Variants in STK33 observed in about 807,000 individuals in gnomAD.
STK33 encodes serine/threonine kinase 33, also known as serine/threonine-protein kinase 33.
Under a neutral mutation model 58.0 loss-of-function variants are expected in STK33, and 52 were observed. That is an observed-to-expected ratio of 0.90 (90% confidence interval 0.72 to 1.13). The LOEUF (loss-of-function observed/expected upper bound fraction) is 1.13. STK33 is among the 50% of genes most tolerant of loss of function. The pLI, the probability that STK33 is intolerant of heterozygous loss-of-function variation, is 0.00. For synonymous variants in STK33, 215 were observed against 200.1 expected, an observed-to-expected ratio of 1.07 and a Z score of -0.63; for missense variants, 630 against 604.2, an observed-to-expected ratio of 1.04 and a Z score of -0.45.
downstream of STK33, among the ~76,000 whole-genome samples, chr11:8,388,764 T>G (rs1286644025): frequency 6.6e-6 from 1 of 152,132 alleles, no homozygotes; most frequent in Non-Finnish European, 1.5e-5. Context: ...AGTGAAGTGT[T>G]GCATTCTTTA....
At chr11:8,343,228 T>C in the STK33 span, among the ~76,000 whole-genome samples, 1 of 152,240 alleles carries the variant, frequency 6.6e-6, no homozygotes, top group Non-Finnish European at 1.5e-5. Context: ...GGCAGCAGTG[T>C]GTGCTGTGCC....
At chr11:8,472,883 T>C (rs1424294035) in intron 6 of STK33, among the ~76,000 whole-genome samples, 1 of 152,168 alleles carries the variant, frequency 6.6e-6, no homozygotes, top group African/African-American at 2.4e-5. Context: ...GACTCCACTA[T>C]TGCTTTCAGC....
chr11:8,348,858 G>C, the STK33 span, among the ~76,000 whole-genome samples: 62 of 150,766 alleles, frequency 4.1e-4, no homozygotes, highest in East Asian at 9.2e-3. Context: ...GAGTGAAAAG[G>C]GTTGGAGAGC....
At chr11:8,371,745 CT>C in the STK33 span, among the ~76,000 whole-genome samples, 10 of 85,504 alleles carry the variant, frequency 1.2e-4, no homozygotes, top group Non-Finnish European at 2.6e-4. Context: ...CCCTCCCTCC[CT>C]CTCTCCCTCC....
intron 1 of STK33, among the ~76,000 whole-genome samples, chr11:8,577,470 T>A (rs1462933783): frequency 6.6e-6 from 1 of 152,194 alleles, no homozygotes; most frequent in Admixed American, 6.5e-5. Flanking sequence ...TGCTACATGC[T>A]ATAAGCAGAA....
intron 1 of STK33, among the ~76,000 whole-genome samples, chr11:8,510,472 AT>A (rs1213561694): frequency 6.6e-6 from 1 of 151,712 alleles, no homozygotes; most frequent in African/African-American, 2.4e-5. Flanking sequence ...TCTGTTGATT[AT>A]TTTTTTGGTA....
At chr11:8,586,876 A>AG (rs151195973) in intron 1 of STK33, among the ~76,000 whole-genome samples, 1,801 of 151,534 alleles carry the variant, frequency 0.012, 39 homozygotes, top group African/African-American at 0.041. Context: ...CCTCCACAAC[A>AG]GATTATGAGC....
intron 1 of STK33, among the ~76,000 whole-genome samples, chr11:8,539,024 C>A (rs10743076): frequency 0.55 from 83,588 of 151,798 alleles, 23,366 homozygotes; most frequent in African/African-American, 0.65. Flanking sequence ...GGGTTTTGTA[C>A]ATTTAAGATT....
At chr11:8,355,185 C>T in the STK33 span, among the ~76,000 whole-genome samples, 17 of 152,196 alleles carry the variant, frequency 1.1e-4, no homozygotes, top group Non-Finnish European at 2.5e-4. Context: ...GCAGTCAGTA[C>T]TCTGAGGCCT....
chr11:8,528,549 G>A (rs542346247), intron 1 of STK33, among the ~76,000 whole-genome samples: 1 of 152,236 alleles, frequency 6.6e-6, no homozygotes, highest in South Asian at 2.1e-4. Context: ...TTTTGCCTCA[G>A]TTTCTTCCCT....
At chr11:8,478,166 C>T (rs1387379768) in intron 2 of STK33, among the ~76,000 whole-genome samples, 5 of 152,126 alleles carry the variant, frequency 3.3e-5, no homozygotes, top group African/African-American at 4.8e-5. Context: ...TACTATTTCA[C>T]AGGACAAATG....
intron 1 of STK33, among the ~76,000 whole-genome samples, chr11:8,558,650 T>G (rs1956928362): frequency 6.6e-6 from 1 of 152,100 alleles, no homozygotes; most frequent in Admixed American, 6.6e-5. Context: ...TAACTTGTGG[T>G]GAACTGAGGT....
At chr11:8,473,610 A>G (rs1031466549) in intron 5 of STK33, among the ~76,000 whole-genome samples, 1 of 152,236 alleles carries the variant, frequency 6.6e-6, no homozygotes, top group Non-Finnish European at 1.5e-5. Context: ...TCCTTTCACA[A>G]TTTAACAACC....
At chr11:8,479,143 G>A (rs1005800507) in intron 2 of STK33, among the ~76,000 whole-genome samples, 19 of 152,074 alleles carry the variant, frequency 1.2e-4, no homozygotes, top group African/African-American at 4.3e-4. Context: ...GGCCGGGTGC[G>A]GTGGCTCACG....
chr11:8,437,062 C>G (rs1288048194), intron 12 of STK33, among the ~76,000 whole-genome samples: 1 of 152,106 alleles, frequency 6.6e-6, no homozygotes, highest in Non-Finnish European at 1.5e-5. Flanking sequence ...GGACACAACT[C>G]ATCAAAAATT....
At chr11:8,526,356 T>G (rs1954021357) in intron 1 of STK33, among the ~76,000 whole-genome samples, 1 of 151,638 alleles carries the variant, frequency 6.6e-6, no homozygotes, top group African/African-American at 2.4e-5. Context: ...CGCACCACTG[T>G]ACTCCAGCCT....
chr11:8,432,109 C>T (rs1943492918), intron 14 of STK33, among the ~76,000 whole-genome samples: 1 of 152,188 alleles, frequency 6.6e-6, no homozygotes, highest in African/African-American at 2.4e-5. Context: ...CGTGCGTGTA[C>T]ACACAATGTG....
intron 1 of STK33, among the ~76,000 whole-genome samples, chr11:8,583,420 G>GA (rs1237790768): frequency 6.6e-6 from 1 of 152,154 alleles, no homozygotes; most frequent in Admixed American, 6.5e-5. Context: ...AGATATGTAG[G>GA]AAAGGATCAA....
chr11:8,534,566 C>CTGTGTGTGTG (rs1248207752), intron 1 of STK33, among the ~76,000 whole-genome samples: 24 of 106,398 alleles, frequency 2.3e-4, no homozygotes, highest in Non-Finnish European at 3.0e-4. Context: ...CTCTCTCTCT[C>CTGTGTGTGTG]TCTGTGTGTG....
Sources: gnomAD v4.1 joint callset for allele counts (sites outside exome capture counted in the v4.1 genomes callset) on GRCh38, gnomAD v4.1.1 for gene constraint, MANE v1.5 for transcripts, NCBI Gene and HGNC (gene_info 2026-07-23, HGNC 2026-07-21) for gene names.